The following KMO variants were observed in gnomAD, a reference collection of about 807,000 sequenced individuals.
KMO encodes kynurenine 3-hydroxylase.
KMO carries 24 observed loss-of-function variants against 57.8 expected under a neutral mutation model. The observed-to-expected ratio is 0.42, with a 90% CI of 0.30 to 0.58. The LOEUF (loss-of-function observed/expected upper bound fraction) is 0.58, where lower values mean the gene tolerates loss of function less well. Among genes scored for constraint, KMO ranks in the 20% least tolerant of loss-of-function variants. The pLI is 0.22. For missense variants in KMO, 483 were observed against 588.2 expected, an observed-to-expected ratio of 0.82 and a Z score of 1.85; for synonymous variants, 210 against 193.6, an observed-to-expected ratio of 1.08 and a Z score of -0.70.
chr1:241,549,472 A>G (rs1661316956), intron 2 of KMO, among the ~76,000 whole-genome samples: 1 of 152,034 alleles, frequency 6.6e-6, no homozygotes, highest in African/African-American at 2.4e-5. Flanking sequence ...CTTTTCTTAA[A>G]AAAACTAGTT....
intron 10 of KMO, among the ~76,000 whole-genome samples, chr1:241,578,533 A>G (rs931994048): frequency 1.3e-5 from 2 of 152,164 alleles, no homozygotes; most frequent in African/African-American, 4.8e-5. Context: ...AATGTCTGCA[A>G]GGGATCCAGT....
chr1:241,562,089 C>T, intron 6 of KMO, 78 bp from the exon 7 acceptor site: 1 of 1,259,096 alleles, frequency 7.9e-7, no homozygotes, highest in East Asian at 2.4e-5. Flanking sequence ...GGAGCCACTA[C>T]TTCTCATACC....
chr1:241,566,676 A>T (rs1662091771), intron 9 of KMO, 64 bp downstream of exon 9: 1 of 1,564,606 alleles, frequency 6.4e-7, no homozygotes, highest in Non-Finnish European at 8.8e-7. Context: ...AATAAAGGTT[A>T]TGCACCTGAT....
chr1:241,549,231 A>C (rs1201308456), intron 2 of KMO, among the ~76,000 whole-genome samples: 1 of 12,996 alleles, frequency 7.7e-5, no homozygotes, highest in African/African-American at 1.3e-4. Flanking sequence ...GAAAGAAAGA[A>C]AGAAAGAAAG....
intron 10 of KMO, among the ~76,000 whole-genome samples, chr1:241,578,109 C>A (rs185286739): frequency 6.6e-6 from 1 of 152,260 alleles, no homozygotes; most frequent in East Asian, 1.9e-4. Context: ...GCGGCAGTCA[C>A]CCTGAAGTGT....
rs773103819 is a variant in KMO at position 241,555,594 on chromosome 1, A to G, written c.313-18A>G. 2.1e-6 allele frequency: 3 copies of G among 1,418,798 alleles called. No individual in the cohort carries two copies. The highest frequency in any genetic ancestry group is 3.4e-5 in the Admixed American group (2 of 59,418). 87.9% of individuals were successfully genotyped at this position (1,418,798 alleles called of 1,614,324 possible). ...CATTCACCAGAAACAAACAGTATCT[A>G]CTCTACTTTTCTTGCAGTATATTCT... On this transcript the variant is annotated intron_variant, in intron 4 of 14. Transcript: ENST00000366559.
intron 3 of KMO, 99 bp from the exon 4 acceptor site, chr1:241,550,856 T>C: frequency 4.8e-6 from 3 of 621,382 alleles, no homozygotes; most frequent in Non-Finnish European, 2.7e-6. Context: ...TAAAATTTCT[T>C]GGAGAATATA....
intron 6 of KMO, 198 bp from the exon 7 acceptor site, chr1:241,561,969 T>C (rs1461614887): frequency 1.8e-6 from 1 of 571,088 alleles, no homozygotes; most frequent in Non-Finnish European, 3.1e-6. Flanking sequence ...TGTTGTGCTA[T>C]TCTCATAAGC....
intron 10 of KMO, among the ~76,000 whole-genome samples, chr1:241,582,430 C>G (rs909699471): frequency 6.6e-6 from 1 of 152,130 alleles, no homozygotes; most frequent in African/African-American, 2.4e-5. Context: ...CAGGCTATTT[C>G]CTGGATCTTA....
chr1:241,537,820 A>G (rs12032383), intron 1 of KMO, among the ~76,000 whole-genome samples: 2 of 152,270 alleles, frequency 1.3e-5, no homozygotes, highest in East Asian at 3.9e-4. Context: ...AGCATGGGAA[A>G]GACCCAATCC....
At chr1:241,554,011 A>G (rs1057203098) in intron 4 of KMO, among the ~76,000 whole-genome samples, 1 of 152,194 alleles carries the variant, frequency 6.6e-6, no homozygotes, top group African/African-American at 2.4e-5. Flanking sequence ...TTGGAAAATT[A>G]TATGCTTTAA....
At chr1:241,578,904 A>G (rs953352855) in intron 10 of KMO, among the ~76,000 whole-genome samples, 43 of 152,134 alleles carry the variant, frequency 2.8e-4, no homozygotes, top group Non-Finnish European at 5.6e-4. Context: ...AGCAGACAAG[A>G]GAAGAGTGAG....
chr1:241,585,069 T>C (rs1190196209), intron 10 of KMO, among the ~76,000 whole-genome samples: 1 of 151,266 alleles, frequency 6.6e-6, no homozygotes, highest in Non-Finnish European at 1.5e-5. Flanking sequence ...CTACTGAAAA[T>C]ACAAAAAAAA....
At chr1:241,587,739 C>T (rs1266175240) in intron 11 of KMO, among the ~76,000 whole-genome samples, 16 of 150,748 alleles carry the variant, frequency 1.1e-4, no homozygotes, top group East Asian at 2.0e-4. Flanking sequence ...CCACCATGCC[C>T]GGCATAAATT....
rs1183779694 is a variant in KMO at position 241,590,278 on chromosome 1, A to G, written c.1260+15A>G. 2 of 1,581,866 alleles carry G rather than the reference A, an allele frequency of 1.3e-6. No homozygotes were observed. The highest frequency in any genetic ancestry group is 1.7e-6 in the Non-Finnish European group (2 of 1,151,114). On this transcript the variant is annotated intron_variant, in intron 14 of 14. Coordinates refer to ENST00000366559, the MANE Select transcript of KMO (RefSeq NM_003679.5). ...GGCAAAAAAAGGTTGGAACAGTTAC[A>G]TTTTATTTATTTTTTAATGTGGTGT... is the stretch of plus-strand genomic sequence containing the variant.
intron 8 of KMO, 28 bp from the exon 9 acceptor site, chr1:241,566,463 T>G (rs1286444183): frequency 1.2e-6 from 2 of 1,600,676 alleles, no homozygotes; most frequent in African/African-American, 2.7e-5. Context: ...CCCCATCCCC[T>G]TTCACTCTGT....
intron 1 of KMO, 50 bp downstream of exon 1, chr1:241,532,548 T>A (rs1427002939): frequency 6.8e-6 from 9 of 1,317,318 alleles, no homozygotes; most frequent in Non-Finnish European, 9.6e-6. Flanking sequence ...ATATTAACTA[T>A]TATTACTCGT....
At position 241,555,753 on chromosome 1, in the gene KMO, C is replaced by T. The variant is rs889654212; in HGVS notation, c.361+93C>T. The T allele has an allele frequency of 9.3e-5, 73 of 782,162 alleles. 2 individuals carry two copies. The South Asian group carries it at 1.1e-3, about 12-fold the overall frequency. The allele number at this position is 782,162 out of a possible 1,614,324, so 48.5% of individuals were successfully genotyped here. On this transcript the variant is annotated intron_variant, in intron 5 of 14. Transcript: ENST00000366559. The stretch of plus-strand genomic sequence containing the variant: ...GATTTATTGGATTTGTTTGCTGCTC[C>T]TTTTTATGGGTTATGAAGAGCAAGA...
chr1:241,545,497 T>G (rs1233105949), intron 1 of KMO, among the ~76,000 whole-genome samples: 1 of 152,152 alleles, frequency 6.6e-6, no homozygotes, highest in African/African-American at 2.4e-5. Flanking sequence ...TAGATGGAAG[T>G]CTTCTCTCTG....
Sources: allele counts gnomAD v4.1 joint callset (sites outside exome capture counted in the v4.1 genomes callset), GRCh38; gene constraint gnomAD v4.1.1; transcripts MANE v1.5; gene names NCBI Gene and HGNC (gene_info 2026-07-23, HGNC 2026-07-21).